Variants in AMTN observed in about 807,000 individuals in gnomAD.
AMTN encodes the protein amelotin.
Under a neutral mutation model 27.4 loss-of-function variants are expected in AMTN, and 29 were observed. The observed-to-expected ratio is 1.06, with a 90% CI of 0.79 to 1.44. The LOEUF is 1.44. Among genes scored for constraint, AMTN ranks in the 40% most tolerant of loss-of-function variants. AMTN has a pLI of 0.00. For missense variants in AMTN, 247 were observed against 248.8 expected (o/e 0.99, Z 0.05); for synonymous variants, 86 against 95.7 (o/e 0.90, Z 0.59).
intron 8 of AMTN, 131 bp from the exon 9 acceptor site, chr4:70,532,324 A>G (rs1736242869): frequency 3.0e-6 from 2 of 662,090 alleles, no homozygotes; most frequent in Middle Eastern, 6.6e-4. Context: ...AGAACCAAAT[A>G]TCCTTAGAGA....
In AMTN at chr4:70,524,939, T is replaced by C. The variant is rs763606656; in HGVS notation, c.272T>C (p.Val91Ala). ...CCATTGACCCTGGGAGGGTTGAATG[T>C]ACAACAGCAACTGCACCCACATGTA... ...THPLTLGGLN[V>A]QQQLHPHVLP... is the part of the protein sequence containing the mutation. Residue 91 changes from valine to alanine, a missense_variant, in exon 5 of 9, where the codon GTA becomes GCA. Physicochemically the swap from Val to Ala is moderately conservative, Grantham distance 64. Transcript: ENST00000339336. 3 of 1,614,050 alleles carry C rather than the reference T, an allele frequency of 1.9e-6. No individual in the cohort carries two copies. Among genetic ancestry groups the C allele is most frequent in the South Asian group, 1.1e-5 (1 of 91,074 alleles).
At chr4:70,525,826 G>A (rs1736089850) in intron 5 of AMTN, among the ~76,000 whole-genome samples, 1 of 152,082 alleles carries the variant, frequency 6.6e-6, no homozygotes, top group African/African-American at 2.4e-5. Context: ...CTTGAGCAAG[G>A]GAGGTCAAGG....
At chr4:70,526,420 A>C (rs1463146764) in intron 5 of AMTN, among the ~76,000 whole-genome samples, 1 of 152,180 alleles carries the variant, frequency 6.6e-6, no homozygotes, top group Non-Finnish European at 1.5e-5. Flanking sequence ...TTGCTTCTAT[A>C]AACAATGCTA....
intron 3 of AMTN, 148 bp from the exon 4 acceptor site, chr4:70,523,720 G>T (rs1257792422): frequency 3.0e-6 from 2 of 666,732 alleles, no homozygotes; most frequent in Non-Finnish European, 5.3e-6. Flanking sequence ...AGCAATGCTA[G>T]TGAGAGGCCC....
intron 3 of AMTN, 94 bp downstream of exon 3, chr4:70,522,932 T>C: frequency 3.2e-6 from 4 of 1,255,936 alleles, no homozygotes; most frequent in Non-Finnish European, 4.6e-6. Context: ...GACTGGTAGG[T>C]TTAAAATCAA....
chr4:70,524,236 C>T (rs940303463), intron 4 of AMTN, among the ~76,000 whole-genome samples: 7 of 152,186 alleles, frequency 4.6e-5, no homozygotes, highest in Admixed American at 3.9e-4. Flanking sequence ...GCCCCTACAG[C>T]ATCCACACAT....
intron 2 of AMTN, among the ~76,000 whole-genome samples, chr4:70,521,543 A>AATTTATATATATTATATATATGTATTTT (rs1735967219): frequency 6.7e-6 from 1 of 148,196 alleles, no homozygotes; most frequent in Non-Finnish European, 1.5e-5. Context: ...TTACTTACAA[A>AATTTATATATATTATATATATGTATTTT]ATTTATATAT....
chr4:70,524,092 C>T (rs1736043168), intron 4 of AMTN, among the ~76,000 whole-genome samples, 159 bp downstream of exon 4: 2 of 152,082 alleles, frequency 1.3e-5, no homozygotes, highest in Non-Finnish European at 2.9e-5. Context: ...GAGAAGAGTC[C>T]AAGAGAGTTG....
chr4:70,521,254 C>T (rs1251071065), intron 2 of AMTN, among the ~76,000 whole-genome samples: 2 of 151,752 alleles, frequency 1.3e-5, no homozygotes, highest in African/African-American at 4.8e-5. Context: ...GTGGTGTGCA[C>T]CGGTAATCCC....
At position 70,532,473 on chromosome 4, in the gene AMTN, C is replaced by T. The variant is rs948526625; in HGVS notation, c.*8C>T. 1.2e-6 allele frequency: 2 copies of T among 1,606,556 alleles called. No homozygotes were observed. Among genetic ancestry groups the T allele is most frequent in the Non-Finnish European group, 1.7e-6 (2 of 1,175,510 alleles). ...CTTCCAGGAATTCAGTAAGCTGTTT[C>T]AAATTTTTTCAACTAAGCTGCCTCG... On this transcript the variant is annotated 3_prime_UTR_variant, in exon 9 of 9. Transcript: ENST00000339336.
intron 2 of AMTN, among the ~76,000 whole-genome samples, chr4:70,519,099 GA>G (rs750188343): frequency 1.6e-4 from 25 of 152,136 alleles, no homozygotes; most frequent in Non-Finnish European, 3.2e-4. Context: ...GAAATTAGGA[GA>G]AAAATGAATG....
intron 2 of AMTN, among the ~76,000 whole-genome samples, chr4:70,520,994 A>G (rs1577931313): frequency 6.6e-6 from 1 of 152,196 alleles, no homozygotes; most frequent in South Asian, 2.1e-4. Flanking sequence ...AGAGTGAGGG[A>G]GGGGAAATGA....
intron 3 of AMTN, among the ~76,000 whole-genome samples, chr4:70,523,420 T>C (rs1277511799): frequency 6.6e-6 from 1 of 152,228 alleles, no homozygotes; most frequent in African/African-American, 2.4e-5. Flanking sequence ...CTTACCTACT[T>C]CTACATTTTG....
chr4:70,524,250 C>A (rs965956538), intron 4 of AMTN, among the ~76,000 whole-genome samples: 2 of 152,202 alleles, frequency 1.3e-5, no homozygotes, highest in Non-Finnish European at 2.9e-5. Context: ...CACACATCCA[C>A]ATAAACACTA....
chr4:70,519,705 TTTTA>T, intron 2 of AMTN, among the ~76,000 whole-genome samples: 1 of 144,528 alleles, frequency 6.9e-6, no homozygotes, highest in African/African-American at 2.7e-5. Flanking sequence ...TTAATTTTTT[TTTTA>T]ACTTTTTTTT....
chr4:70,518,984 C>G (rs1269635157), intron 2 of AMTN, among the ~76,000 whole-genome samples, 153 bp downstream of exon 2: 1 of 152,156 alleles, frequency 6.6e-6, no homozygotes, highest in Non-Finnish European at 1.5e-5. Context: ...CAGAAAATGA[C>G]AAGCTAATAA....
chr4:70,524,574 A>G (rs1736053847), intron 4 of AMTN, among the ~76,000 whole-genome samples: 1 of 152,212 alleles, frequency 6.6e-6, no homozygotes, highest in African/African-American at 2.4e-5. Context: ...CTTGTAGCCA[A>G]AAGGGGAAAG....
At chr4:70,524,846 T>A (rs777287163) in intron 4 of AMTN, 26 bp from the exon 5 acceptor site, 19 of 1,605,542 alleles carry the variant, frequency 1.2e-5, no homozygotes, top group Non-Finnish European at 1.6e-5. Flanking sequence ...AAAAATACAA[T>A]GAAAGTCTTC....
intron 5 of AMTN, 44 bp downstream of exon 5, chr4:70,525,005 T>C: frequency 6.4e-7 from 1 of 1,566,988 alleles, no homozygotes; most frequent in Admixed American, 1.7e-5. Flanking sequence ...TAGAGAGCAT[T>C]TTCTCTCAGG....
Sources: gnomAD v4.1 joint callset for allele counts (sites outside exome capture counted in the v4.1 genomes callset) on GRCh38, gnomAD v4.1.1 for gene constraint, MANE v1.5 for transcripts, NCBI Gene and HGNC (gene_info 2026-07-23, HGNC 2026-07-21) for gene names.